NFIC: variants seen among roughly 807,000 people sequenced by gnomAD.
The protein encoded by NFIC is nuclear factor I C.
Under a neutral mutation model 54.4 loss-of-function variants are expected in NFIC, and 12 were observed. The observed-to-expected ratio is 0.22, with a 90% confidence interval of 0.14 to 0.36. The LOEUF (loss-of-function observed/expected upper bound fraction) is 0.36, where lower values mean the gene tolerates loss of function less well. NFIC is among the 10% of genes least tolerant of loss of function. The pLI is 1.00. For missense variants in NFIC, 575 were observed against 718.2 expected, an observed-to-expected ratio of 0.80 and a Z score of 2.28; for synonymous variants, 322 against 319.2, an observed-to-expected ratio of 1.01 and a Z score of -0.09.
At chr19:3,419,681 C>G (rs191577333) in intron 2 of NFIC, among the ~76,000 whole-genome samples, 23 of 151,932 alleles carry the variant, frequency 1.5e-4, no homozygotes, top group African/African-American at 5.6e-4. Context: ...CACCTGTAAT[C>G]TCAGCTACTT....
At chr19:3,411,206 G>T in intron 2 of NFIC, 1 of 152,190 alleles carries the variant, frequency 6.6e-6, no homozygotes, top group South Asian at 2.1e-4. Flanking sequence ...AGTAGAGATG[G>T]GGTGGGGTAT....
chr19:3,427,861 GAAAA>G (rs2082051782), intron 3 of NFIC, among the ~76,000 whole-genome samples: 1 of 137,972 alleles, frequency 7.2e-6, no homozygotes, highest in Non-Finnish European at 1.6e-5. Context: ...AAGAAAGAAA[GAAAA>G]GAAAGAGAGA....
intron 2 of NFIC, among the ~76,000 whole-genome samples, chr19:3,402,569 T>C (rs1231686849): frequency 6.6e-6 from 1 of 152,152 alleles, no homozygotes; most frequent in Non-Finnish European, 1.5e-5. Context: ...ACTGGGGAGA[T>C]GAGCAAACAC....
At chr19:3,376,943 T>C (rs1003366543) in intron 1 of NFIC, among the ~76,000 whole-genome samples, 1 of 151,796 alleles carries the variant, frequency 6.6e-6, no homozygotes, top group African/African-American at 2.4e-5. Context: ...TTGGCCAGGC[T>C]GATCTCAAAC....
At chr19:3,385,250 A>G (rs1050175162) in intron 2 of NFIC, among the ~76,000 whole-genome samples, 1 of 109,156 alleles carries the variant, frequency 9.2e-6, no homozygotes, top group African/African-American at 3.8e-5. Flanking sequence ...CCAGCTCCTC[A>G]TGGGGGTAAG....
rs529240234 is a variant in NFIC at position 3,393,138 on chromosome 19, A to G, written c.562+10895A>G. ...GTATTTTTAGTAGAGATGGAGTTTTACCATGTTGGCCAGGCTGACCTCGTG... is the reference window on the plus strand; with the variant it reads ...GTATTTTTAGTAGAGATGGAGTTTTGCCATGTTGGCCAGGCTGACCTCGTG... On this transcript the variant is annotated intron_variant, in intron 2 of 10. Transcript: ENST00000443272. Among the ~76,000 whole-genome samples the G allele has an allele frequency of 1.5e-3, 226 of 152,030 alleles. 2 individuals are homozygous for G. The highest frequency in any genetic ancestry group is 5.0e-3 in the African/African-American group (208 of 41,468).
intron 2 of NFIC, among the ~76,000 whole-genome samples, chr19:3,422,062 G>A (rs934635992): frequency 1.6e-4 from 24 of 151,986 alleles, no homozygotes; most frequent in African/African-American, 5.6e-4. Flanking sequence ...TCAGCCTCCC[G>A]AGTAGCTGGG....
rs1034059005 is a variant in NFIC, at chr19:3,375,287, G to A, written c.31-6425G>A. ...CGGCCCCAGCTGGACAACATTGTCC[G>A]GGCCTCCTGCCCGCCTGGCATCTCC... On this transcript the variant is annotated intron_variant, in intron 1 of 10. Transcript: ENST00000443272. The surrounding 1 kb of genome is among the most constrained non-coding windows in gnomAD (Gnocchi z 4.6). Among the ~76,000 whole-genome samples, 8 of 152,174 alleles carry A rather than the reference G, an allele frequency of 5.3e-5. No homozygotes were observed. Among genetic ancestry groups the A allele is most frequent in the African/African-American group, 9.6e-5 (4 of 41,538 alleles).
At position 3,360,383 on chromosome 19, in the gene NFIC, GA is replaced by G. The variant is rs1479403833; in HGVS notation, c.3+699del. 5.3e-5 allele frequency among the ~76,000 whole-genome samples: 8 copies of G among 150,914 alleles called. No individual in the cohort carries two copies. The East Asian group carries it at 1.6e-3, about 30-fold the overall frequency. Reference sequence around the variant, plus strand: ...GCGCGCGGGGTCCCCAGCTGGGAGGGACCCCCGGGTCTCGGCCCGGCGCGCC... The same window carrying G: ...GCGCGCGGGGTCCCCAGCTGGGAGGGCCCCCGGGTCTCGGCCCGGCGCGCC... On this transcript the variant is annotated intron_variant, in intron 1 of 9. Coordinates refer to the NFIC transcript ENST00000395111.
intron 6 of NFIC, among the ~76,000 whole-genome samples, chr19:3,435,842 T>C (rs1445195735): frequency 6.6e-6 from 1 of 151,770 alleles, no homozygotes; most frequent in African/African-American, 2.4e-5. Flanking sequence ...TTTCTTTTTT[T>C]TGAGATGGAG....
chr19:3,421,379 TC>T (rs2081951280), intron 2 of NFIC, among the ~76,000 whole-genome samples: 1 of 152,110 alleles, frequency 6.6e-6, no homozygotes, highest in South Asian at 2.1e-4. Context: ...GCTGGGTCCT[TC>T]CCAACGTCAT....
intron 10 of NFIC, 49 bp from the exon 11 acceptor site, chr19:3,462,703 T>C: frequency 3.7e-6 from 6 of 1,603,010 alleles, no homozygotes; most frequent in Non-Finnish European, 5.1e-6. Flanking sequence ...CCCCTCGACT[T>C]CTCTCCCTTT....
chr19:3,416,984 C>T (rs1488297358), intron 2 of NFIC, among the ~76,000 whole-genome samples: 3 of 151,506 alleles, frequency 2.0e-5, no homozygotes, highest in East Asian at 2.0e-4. Context: ...GCCGGGTTCA[C>T]GCCATTCTCC....
chr19:3,375,627 C>T lies in NFIC; in HGVS notation c.31-6085C>T, dbSNP rs904404492. The stretch of plus-strand genomic sequence containing the variant: ...CCGCCGCAGCTGTTACGGTGACTCA[C>T]GCTTTGGGGGACATTGGGGTGGGGG... On this transcript the variant is annotated intron_variant, in intron 1 of 10. Coordinates refer to ENST00000443272, the MANE Select transcript of NFIC (RefSeq NM_001245002.2). This position sits in a 1 kb window ranked among gnomAD's most constrained non-coding sequence, Gnocchi z 4.6. 1.3e-5 allele frequency among the ~76,000 whole-genome samples: 2 copies of T among 152,200 alleles called. No homozygotes were observed. Among genetic ancestry groups the T allele is most frequent in the Non-Finnish European group, 2.9e-5 (2 of 68,024 alleles).
upstream of NFIC, among the ~76,000 whole-genome samples, chr19:3,363,236 T>TGTGTGTGTGTGC (rs1314178191): frequency 2.5e-4 from 16 of 63,842 alleles, 1 homozygote; most frequent in African/African-American, 5.1e-4. Flanking sequence ...TATGTGTATG[T>TGTGTGTGTGTGC]GTGTGTATAT....
intron 9 of NFIC, 43 bp from the exon 10 acceptor site, chr19:3,456,507 C>T (rs930387535): frequency 1.9e-6 from 3 of 1,544,760 alleles, no homozygotes; most frequent in Non-Finnish European, 2.6e-6. Flanking sequence ...CCGGCTCCCA[C>T]AACCCCTCGC....
In NFIC at chr19:3,453,747, C is replaced by T; in HGVS notation, c.1270-16C>T. 1 of 1,596,186 alleles carries T rather than the reference C, an allele frequency of 6.3e-7. No homozygotes were observed. Among genetic ancestry groups the T allele is most frequent in the Non-Finnish European group, 8.5e-7 (1 of 1,173,066 alleles). The stretch of plus-strand genomic sequence containing the variant: ...GGGAGCCCACCCCTTAACCACGTGT[C>T]TCTCTGTTCCCCCAGTTAAATGGAA... On this transcript the variant is annotated splice_polypyrimidine_tract_variant and intron_variant, in intron 8 of 10. Coordinates refer to ENST00000443272, the MANE Select transcript of NFIC (RefSeq NM_001245002.2). The surrounding 1 kb of genome is among the most constrained non-coding windows in gnomAD (Gnocchi z 6.7).
At position 3,427,699 on chromosome 19, in the gene NFIC, C is replaced by T. The variant is rs145121866; in HGVS notation, c.634+2522C>T. 9.3e-5 allele frequency among the ~76,000 whole-genome samples: 14 copies of T among 151,004 alleles called. No individual in the cohort carries two copies. The East Asian group carries it at 2.7e-3, about 30-fold the overall frequency. ...AAAATTAGTCGGGCATGTTGGCACA[C>T]ACCTATAATCCCAGCTAGTCGGGAG... On this transcript the variant is annotated intron_variant, in intron 3 of 10. Coordinates refer to ENST00000443272, the MANE Select transcript of NFIC (RefSeq NM_001245002.2).
chr19:3,440,629 C>T (rs1471921316), intron 6 of NFIC, among the ~76,000 whole-genome samples: 1 of 152,028 alleles, frequency 6.6e-6, no homozygotes, highest in Non-Finnish European at 1.5e-5. Flanking sequence ...CGGGTTTTCA[C>T]CATGTTGGCC....
Sources: allele counts gnomAD v4.1 joint callset (sites outside exome capture counted in the v4.1 genomes callset), GRCh38; gene constraint gnomAD v4.1.1; non-coding constraint Gnocchi (gnomAD v3.1); transcripts MANE v1.5; gene names NCBI Gene and HGNC (gene_info 2026-07-23, HGNC 2026-07-21).